Variants in LRRIQ1 observed in about 807,000 individuals in gnomAD.
The protein encoded by LRRIQ1 is leucine-rich repeat- and IQ domain-containing protein 1.
In LRRIQ1, 210 loss-of-function variants were observed where a neutral mutation model predicts 211.9. The ratio of observed to expected loss-of-function variants is 0.99; its 90% CI spans 0.89 to 1.11. LRRIQ1 has a LOEUF of 1.11. LRRIQ1 is among the 50% of genes most tolerant of loss of function. The pLI is 0.00. For missense variants in LRRIQ1, 2,136 were observed against 1,939.5 expected, an observed-to-expected ratio of 1.10 and a Z score of -1.90; for synonymous variants, 699 against 650.1, an observed-to-expected ratio of 1.08 and a Z score of -1.14.
chr12:85,123,772 T>A (rs79016507), intron 16 of LRRIQ1, among the ~76,000 whole-genome samples: 3,131 of 152,212 alleles, frequency 0.021, 140 homozygotes, highest in East Asian at 0.2. Flanking sequence ...TTTATGGTAA[T>A]AAAAGCATGA....
At chr12:85,173,642 C>T (rs1340148069) in intron 24 of LRRIQ1, among the ~76,000 whole-genome samples, 1 of 152,026 alleles carries the variant, frequency 6.6e-6, no homozygotes, top group Admixed American at 6.6e-5. Flanking sequence ...CACGCACACA[C>T]ACATACACAC....
intron 24 of LRRIQ1, among the ~76,000 whole-genome samples, chr12:85,194,785 A>G (rs990834279): frequency 6.6e-6 from 1 of 152,164 alleles, no homozygotes; most frequent in Admixed American, 6.5e-5. Flanking sequence ...GAGCAAACAC[A>G]TTCAAAAGCT....
At chr12:85,055,523 A>G (rs1390057909) in intron 7 of LRRIQ1, 24 bp from the exon 8 acceptor site, 2 of 1,442,140 alleles carry the variant, frequency 1.4e-6, no homozygotes, top group South Asian at 1.6e-5. Flanking sequence ...TATGCTGACT[A>G]CCATGTATCT....
At chr12:85,052,292 T>A in intron 7 of LRRIQ1, 41 bp downstream of exon 7, 1 of 990,720 alleles carries the variant, frequency 1.0e-6, no homozygotes, top group Non-Finnish European at 1.5e-6. Context: ...TAAGCTTTCT[T>A]TATTTGAAAT....
rs1021556382 is a variant in LRRIQ1 at position 85,259,848 on chromosome 12, T to C, written c.122-3067T>C. 3.3e-5 allele frequency among the ~76,000 whole-genome samples: 5 copies of C among 151,878 alleles called. No individual in the cohort carries two copies. In the East Asian group the frequency reaches 9.7e-4, roughly 29 times the overall value. Reference sequence around the variant, plus strand: ...TTAAAATATAGGTTTACGTTGTGAGTAAGTACAAAAAGATTTAAAGATTCA... The same window carrying C: ...TTAAAATATAGGTTTACGTTGTGAGCAAGTACAAAAAGATTTAAAGATTCA... On this transcript the variant is annotated intron_variant, in intron 1 of 1. Coordinates refer to the LRRIQ1 transcript ENST00000602731.
At chr12:85,106,750 A>G in intron 15 of LRRIQ1, 135 bp downstream of exon 15, 2 of 632,162 alleles carry the variant, frequency 3.2e-6, no homozygotes, top group East Asian at 3.0e-5. Context: ...TAAACCAAAA[A>G]AGTTTTGTAA....
At chr12:85,151,040 G>A (rs1280655581) in intron 19 of LRRIQ1, among the ~76,000 whole-genome samples, 3 of 151,256 alleles carry the variant, frequency 2.0e-5, no homozygotes, top group African/African-American at 7.3e-5. Context: ...TAGTCACCAT[G>A]TTGTGCAAAA....
At chr12:85,139,770 C>G (rs1368249008) in intron 19 of LRRIQ1, among the ~76,000 whole-genome samples, 2 of 151,242 alleles carry the variant, frequency 1.3e-5, no homozygotes, top group African/African-American at 4.8e-5. Flanking sequence ...CAAAAGGAAG[C>G]CCTTAAAAAT....
chr12:85,102,702 G>T (rs1404894683), intron 13 of LRRIQ1, among the ~76,000 whole-genome samples: 1 of 151,322 alleles, frequency 6.6e-6, no homozygotes, highest in Non-Finnish European at 1.5e-5. Flanking sequence ...AAAAATAAGA[G>T]ATTTTGTTGT....
At chr12:85,039,659 A>G (rs1878627262) in intron 2 of LRRIQ1, among the ~76,000 whole-genome samples, 1 of 151,668 alleles carries the variant, frequency 6.6e-6, no homozygotes, top group Admixed American at 6.6e-5. Context: ...CCTAAATTCA[A>G]CACATGAAAA....
At chr12:85,231,803 A>G (rs1374279529) in intron 25 of LRRIQ1, among the ~76,000 whole-genome samples, 2 of 152,170 alleles carry the variant, frequency 1.3e-5, no homozygotes, top group African/African-American at 4.8e-5. Flanking sequence ...ATGAGAGGTA[A>G]CCACCCTCAT....
chr12:85,103,701 C>T (rs575699844), intron 13 of LRRIQ1, among the ~76,000 whole-genome samples: 70 of 151,546 alleles, frequency 4.6e-4, no homozygotes, highest in Non-Finnish European at 7.5e-4. Flanking sequence ...ATTTAAATAG[C>T]GAATACACAT....
At chr12:85,177,014 C>T (rs1220632615) in intron 24 of LRRIQ1, among the ~76,000 whole-genome samples, 9 of 152,018 alleles carry the variant, frequency 5.9e-5, no homozygotes, top group Non-Finnish European at 1.0e-4. Flanking sequence ...TAGTCCAAAC[C>T]TACGTGATTT....
intron 1 of LRRIQ1, among the ~76,000 whole-genome samples, chr12:85,258,301 T>C (rs1410409749): frequency 6.6e-6 from 1 of 151,838 alleles, no homozygotes; most frequent in East Asian, 1.9e-4. Context: ...GCCACTTAAA[T>C]TTATATGAGT....
At chr12:85,167,168 G>A (rs1285933975) in intron 24 of LRRIQ1, among the ~76,000 whole-genome samples, 1 of 152,028 alleles carries the variant, frequency 6.6e-6, no homozygotes, top group Non-Finnish European at 1.5e-5. Context: ...TAATTTTTTA[G>A]GAAGACTTTT....
intron 1 of LRRIQ1, chr12:85,262,892 G>A: frequency 3.1e-6 from 3 of 958,522 alleles, no homozygotes; most frequent in Non-Finnish European, 3.7e-6. Context: ...CAGTGAAAGT[G>A]TATATTTAAT....
At chr12:85,162,733 GT>G (rs1565878562) in intron 24 of LRRIQ1, 1 of 455,924 alleles carries the variant, frequency 2.2e-6, no homozygotes, top group Non-Finnish European at 4.4e-6. Flanking sequence ...ACGATGTGAT[GT>G]TCTATGATTT....
intron 24 of LRRIQ1, among the ~76,000 whole-genome samples, chr12:85,217,061 G>A (rs1018600462): frequency 6.6e-6 from 1 of 151,826 alleles, no homozygotes; most frequent in African/African-American, 2.4e-5. Context: ...AATGCAAACA[G>A]TATTTTAATA....
At chr12:85,252,710 T>A (rs571045730) in intron 1 of LRRIQ1, among the ~76,000 whole-genome samples, 1 of 151,854 alleles carries the variant, frequency 6.6e-6, no homozygotes, top group African/African-American at 2.4e-5. Context: ...AAGAGAACTC[T>A]AGTATATTAA....
Sources: gnomAD v4.1 joint callset for allele counts (sites outside exome capture counted in the v4.1 genomes callset) on GRCh38, gnomAD v4.1.1 for gene constraint, MANE v1.5 for transcripts, NCBI Gene and HGNC (gene_info 2026-07-23, HGNC 2026-07-21) for gene names.